Variants in CDH4 observed in about 807,000 individuals in gnomAD.
CDH4 encodes cadherin 4.
Under a neutral mutation model 86.0 loss-of-function variants are expected in CDH4, and 33 were observed. The ratio of observed to expected loss-of-function variants is 0.38; its 90% CI spans 0.29 to 0.51. CDH4 has a LOEUF of 0.51. Among genes scored for constraint, CDH4 ranks in the 20% least tolerant of loss-of-function variants. The pLI is 0.86. For synonymous variants in CDH4, 555 were observed against 549.4 expected (o/e 1.01, Z -0.14); for missense variants, 1,114 against 1,307.4 (o/e 0.85, Z 2.28).
Position 61,501,432 on chromosome 20 carries a change from G to C in CDH4, c.170-242131G>C, listed in dbSNP as rs960867054. On this transcript the variant is annotated intron_variant, in intron 2 of 15. Transcript: ENST00000614565. This position sits in a 1 kb window ranked among gnomAD's most constrained non-coding sequence, Gnocchi z 4.2. Reference sequence around the variant, plus strand: ...AAAGTGTTGGTGTTTACCTGGCTACGTACTTGGCCACGGAGAGTCCAGGTG... The same window carrying C: ...AAAGTGTTGGTGTTTACCTGGCTACCTACTTGGCCACGGAGAGTCCAGGTG... Among the ~76,000 whole-genome samples, 35 of 151,990 alleles carry C rather than the reference G, an allele frequency of 2.3e-4. No individual in the cohort carries two copies. The highest frequency in any genetic ancestry group is 6.5e-4 in the Admixed American group (10 of 15,282).
intron 2 of CDH4, among the ~76,000 whole-genome samples, chr20:61,682,118 A>G (rs1446042840): frequency 6.6e-6 from 1 of 152,170 alleles, no homozygotes; most frequent in Non-Finnish European, 1.5e-5. Flanking sequence ...GGGTGTGGGA[A>G]GGTGGACCAA....
At chr20:61,293,110 T>G (rs1346702388) in intron 2 of CDH4, among the ~76,000 whole-genome samples, 1 of 152,078 alleles carries the variant, frequency 6.6e-6, no homozygotes, top group Non-Finnish European at 1.5e-5. Flanking sequence ...ATCAGGATGG[T>G]GGGGACCTAG....
chr20:61,735,946 G>C (rs1261546720), intron 2 of CDH4, among the ~76,000 whole-genome samples: 2 of 152,186 alleles, frequency 1.3e-5, no homozygotes, highest in Non-Finnish European at 2.9e-5. Context: ...CTCCCGAGTT[G>C]TTTGCAAGGC....
chr20:61,806,795 A>G (rs1980161628), intron 4 of CDH4, among the ~76,000 whole-genome samples: 1 of 152,164 alleles, frequency 6.6e-6, no homozygotes. Context: ...ATGTTTTGCC[A>G]CACACATGTG....
At chr20:61,769,629 G>A (rs1018773076) in intron 3 of CDH4, among the ~76,000 whole-genome samples, 6 of 152,176 alleles carry the variant, frequency 3.9e-5, no homozygotes, top group Non-Finnish European at 8.8e-5. Context: ...GGGCTGCATG[G>A]GCTTCATGAG....
intron 4 of CDH4, among the ~76,000 whole-genome samples, chr20:61,803,632 C>T (rs945664409): frequency 8.5e-5 from 13 of 152,304 alleles, no homozygotes; most frequent in South Asian, 2.1e-4. Context: ...CTTGAGGCTG[C>T]GGGATTCCAG....
intron 2 of CDH4, among the ~76,000 whole-genome samples, chr20:61,330,476 G>A (rs2084566459): frequency 6.6e-6 from 1 of 152,230 alleles, no homozygotes; most frequent in African/African-American, 2.4e-5. Flanking sequence ...GTGATGTTGA[G>A]CTTAGGTTGT....
Position 61,939,125 on chromosome 20 carries a change from T to C in CDH4, c.*2182T>C, listed in dbSNP as rs1482793015. 6.6e-6 allele frequency: 1 copy of C among 152,304 alleles called. No individual in the cohort carries two copies. The highest frequency in any genetic ancestry group is 1.9e-4 in the East Asian group (1 of 5,186). 9.4% of individuals were successfully genotyped at this position (152,304 alleles called of 1,614,324 possible). On this transcript the variant is annotated 3_prime_UTR_variant, in exon 16 of 16. Coordinates refer to ENST00000614565, the MANE Select transcript of CDH4 (RefSeq NM_001794.5). ...AAGGACTGGAAATCTCTGTTGTTGT[T>C]TGGGGAAGTCCATGCTTCAGTCCTT... is the stretch of plus-strand genomic sequence containing the variant.
rs1451396141 is a variant in CDH4, at chr20:61,518,436, TCATCATC to T, written c.170-225118_170-225112del. 2.6e-5 allele frequency among the ~76,000 whole-genome samples: 4 copies of T among 152,218 alleles called. No individual in the cohort carries two copies. The highest frequency in any genetic ancestry group is 1.3e-4 in the Admixed American group (2 of 15,288). On this transcript the variant is annotated intron_variant, in intron 2 of 15. Coordinates refer to ENST00000614565, the MANE Select transcript of CDH4 (RefSeq NM_001794.5). The surrounding 1 kb of genome is among the most constrained non-coding windows in gnomAD (Gnocchi z 6.3). Reference sequence around the variant, plus strand: ...TGTCCATCATCCATCTGTCATCCACTCATCATCCATCATCCGTCATCCACCCATCGTC... The same window carrying T: ...TGTCCATCATCCATCTGTCATCCACTCATCATCCGTCATCCACCCATCGTC...
In CDH4 at chr20:61,417,940, A is replaced by T. The variant is rs1198050592; in HGVS notation, c.169+163003A>T. Among the ~76,000 whole-genome samples, 1 of 151,954 alleles carries T rather than the reference A, an allele frequency of 6.6e-6. No individual in the cohort carries two copies. The highest frequency in any genetic ancestry group is 1.9e-4 in the East Asian group (1 of 5,136). ...AGCCTCCCATCCCTTGAGTTTTCTGAGGGGTGCACATGTTCTGTTTTAGGG... is the reference window on the plus strand; with the variant it reads ...AGCCTCCCATCCCTTGAGTTTTCTGTGGGGTGCACATGTTCTGTTTTAGGG... On this transcript the variant is annotated intron_variant, in intron 2 of 15. Coordinates refer to ENST00000614565, the MANE Select transcript of CDH4 (RefSeq NM_001794.5). This position sits in a 1 kb window ranked among gnomAD's most constrained non-coding sequence, Gnocchi z 4.0.
At chr20:61,614,341 T>C (rs1053477953) in intron 2 of CDH4, among the ~76,000 whole-genome samples, 1 of 152,132 alleles carries the variant, frequency 6.6e-6, no homozygotes, top group African/African-American at 2.4e-5. Flanking sequence ...TTTCAGGCTG[T>C]TGAGCAGGAG....
intron 2 of CDH4, among the ~76,000 whole-genome samples, chr20:61,634,534 T>C (rs940073972): frequency 2.0e-5 from 3 of 152,146 alleles, no homozygotes; most frequent in African/African-American, 7.2e-5. Flanking sequence ...CCTGGATCAT[T>C]GGGGGCTGGA....
At chr20:61,261,089 G>A (rs1031617615) in intron 2 of CDH4, among the ~76,000 whole-genome samples, 2 of 152,154 alleles carry the variant, frequency 1.3e-5, no homozygotes, top group African/African-American at 2.4e-5. Flanking sequence ...GCCTTCCATC[G>A]CAAGAGGGAG....
intron 7 of CDH4, 52 bp from the exon 8 acceptor site, chr20:61,894,857 AT>A: frequency 6.4e-7 from 1 of 1,574,574 alleles, no homozygotes; most frequent in South Asian, 1.2e-5. Context: ...TGCCCTGTCA[AT>A]TAAAACCCAA....
chr20:61,317,280 G>C (rs1352363565), intron 2 of CDH4, among the ~76,000 whole-genome samples: 1 of 152,064 alleles, frequency 6.6e-6, no homozygotes, highest in African/African-American at 2.4e-5. Context: ...ACTTGATCTT[G>C]GCTCACTGCA....
At chr20:61,925,757 G>A (rs1471571720) in intron 11 of CDH4, among the ~76,000 whole-genome samples, 1 of 152,204 alleles carries the variant, frequency 6.6e-6, no homozygotes, top group African/African-American at 2.4e-5. Context: ...TCCGAGACCT[G>A]GGGCATCCTG....
At chr20:61,447,588 T>C (rs961972043) in intron 2 of CDH4, among the ~76,000 whole-genome samples, 3 of 148,696 alleles carry the variant, frequency 2.0e-5, no homozygotes, top group Admixed American at 6.7e-5. Context: ...CCTTTCCCAC[T>C]CAGATCCATT....
chr20:61,803,269 C>T (rs1179886540), intron 4 of CDH4, among the ~76,000 whole-genome samples: 6 of 152,166 alleles, frequency 3.9e-5, no homozygotes, highest in Admixed American at 1.3e-4. Context: ...ACAATCCGCC[C>T]GGGCTGGCAG....
chr20:61,940,554 C>T lies in CDH4; in HGVS notation c.*3611C>T, dbSNP rs895058730. 1 of 152,132 alleles carries T rather than the reference C, an allele frequency of 6.6e-6. No individual in the cohort carries two copies. Among genetic ancestry groups the T allele is most frequent in the Non-Finnish European group, 1.5e-5 (1 of 68,050 alleles). 9.4% of individuals were successfully genotyped at this position (152,132 alleles called of 1,614,324 possible). A position where few individuals can be genotyped will look rare whatever the true frequency, so the allele number is the denominator to read the frequency against. ...CTGAACTCAGTAGACCCTTGCGGAG[C>T]GGTTGTGCGCGGGCAGGCGGGGCGC... On this transcript the variant is annotated 3_prime_UTR_variant, in exon 16 of 16. Transcript: ENST00000614565.
Sources: allele counts gnomAD v4.1 joint callset (sites outside exome capture counted in the v4.1 genomes callset), GRCh38; gene constraint gnomAD v4.1.1; non-coding constraint Gnocchi (gnomAD v3.1); transcripts MANE v1.5; gene names NCBI Gene and HGNC (gene_info 2026-07-23, HGNC 2026-07-21).